ZNF254: variants seen among roughly 807,000 people sequenced by gnomAD.
ZNF254 encodes the protein zinc finger protein 254, also known as CTD-2017D11.1.
A neutral mutation model predicts 12.4 loss-of-function variants in ZNF254; 10 were observed. That is an observed-to-expected ratio of 0.80 (90% CI 0.50 to 1.36). ZNF254 has a LOEUF of 1.36. Among genes scored for constraint, ZNF254 ranks in the 40% most tolerant of loss-of-function variants. The probability of loss-of-function intolerance (pLI) is 0.00; values close to 1 mark genes in which losing one functional copy is unlikely to be tolerated. For synonymous variants in ZNF254, 305 were observed against 253.4 expected, an observed-to-expected ratio of 1.20 and a Z score of -1.93; for missense variants, 996 against 763.9, an observed-to-expected ratio of 1.30 and a Z score of -3.58.
intron 2 of ZNF254, among the ~76,000 whole-genome samples, chr19:24,051,610 C>T (rs917836395): frequency 6.6e-6 from 1 of 151,324 alleles, no homozygotes; most frequent in Non-Finnish European, 1.5e-5. Context: ...AGGTGACTCT[C>T]CTCTCCAGCC....
At chr19:24,090,564 G>T (rs1055598713) in intron 1 of ZNF254, among the ~76,000 whole-genome samples, 9 of 152,092 alleles carry the variant, frequency 5.9e-5, no homozygotes, top group African/African-American at 2.2e-4. Context: ...AGCCTCCCAA[G>T]TAGCTGGGAC....
intron 2 of ZNF254, chr19:24,064,632 T>A (rs1025424697): frequency 6.6e-6 from 1 of 152,234 alleles, no homozygotes; most frequent in African/African-American, 2.4e-5. Flanking sequence ...GTTCAAGCAA[T>A]TCTTCAGCCT....
intron 3 of ZNF254, among the ~76,000 whole-genome samples, chr19:24,110,178 G>A (rs770050508): frequency 6.6e-6 from 1 of 152,116 alleles, no homozygotes; most frequent in South Asian, 2.1e-4. Flanking sequence ...TTAAAAAGAT[G>A]TATAATTCTG....
At chr19:24,094,401 C>T (rs1308882172) in intron 1 of ZNF254, among the ~76,000 whole-genome samples, 1 of 152,104 alleles carries the variant, frequency 6.6e-6, no homozygotes, top group Non-Finnish European at 1.5e-5. Context: ...GCTGGGATTA[C>T]AGGCATCCGC....
intron 1 of ZNF254, among the ~76,000 whole-genome samples, chr19:24,045,655 AAG>A (rs1970352749): frequency 6.9e-6 from 1 of 145,540 alleles, no homozygotes; most frequent in African/African-American, 2.6e-5. Flanking sequence ...GTGACACAGC[AAG>A]ACTCTGTCTC....
At chr19:24,073,806 G>C (rs1369775585) in intron 2 of ZNF254, among the ~76,000 whole-genome samples, 7 of 152,200 alleles carry the variant, frequency 4.6e-5, no homozygotes, top group African/African-American at 1.7e-4. Flanking sequence ...GATGTACTCA[G>C]ACTCAACATA....
Position 24,106,588 on chromosome 19 carries a change from A to G in ZNF254, c.198A>G (p.Glu66=), listed in dbSNP as rs1973354031. ...VSKPDLITCL[E]QGKEPWNMKR... is the part of the protein sequence containing the mutation. The stretch of plus-strand genomic sequence containing the variant: ...AGCCAGACCTGATCACCTGTCTGGA[A>G]CAAGGGAAAGAGCCCTGGAATATGA... The change falls in exon 3 of 4, where the codon GAA becomes GAG. Residue 66 remains glutamate, a synonymous_variant. Transcript: ENST00000357002. 2 of 1,585,280 alleles carry G rather than the reference A, an allele frequency of 1.3e-6. No homozygotes were observed. Among genetic ancestry groups the G allele is most frequent in the Non-Finnish European group, 1.7e-6 (2 of 1,163,826 alleles).
Position 24,043,187 on chromosome 19 carries a change from AAG to A in ZNF254, c.-189-2993_-189-2992del, listed in dbSNP as rs373940076. Among the ~76,000 whole-genome samples the A allele has an allele frequency of 1.9e-4, 29 of 152,314 alleles. No individual in the cohort carries two copies. The East Asian group carries it at 5.0e-3, about 26-fold the overall frequency. Reference sequence around the variant, plus strand: ...ATTTCATTTTCTGTATTTTCAGAGAAAGAGAACAAAAATTAATATATAGCTAA... The same window carrying A: ...ATTTCATTTTCTGTATTTTCAGAGAAAGAACAAAAATTAATATATAGCTAA... On this transcript the variant is annotated intron_variant, in intron 1 of 4. Coordinates refer to the ZNF254 transcript ENST00000613065.
At chr19:24,088,523 G>T (rs188349550) in intron 1 of ZNF254, among the ~76,000 whole-genome samples, 143 of 152,168 alleles carry the variant, frequency 9.4e-4, no homozygotes, top group Middle Eastern at 6.8e-3. Flanking sequence ...ACTCTGGCTT[G>T]CAGGAAAATA....
In ZNF254 at chr19:24,055,232, A is replaced by AAAAAAAAAG. The variant is rs1555753129; in HGVS notation, c.-94+8953_-94+8954insAAAAAAAAG. On this transcript the variant is annotated intron_variant, in intron 2 of 4. Coordinates refer to the ZNF254 transcript ENST00000613065. ...AAAAAAAAAAAAAAAAAAAAAAAAA[A>AAAAAAAAAG]GAGTGTACTAACAAGACCCAGCACA... Among the ~76,000 whole-genome samples the AAAAAAAAAG allele has an allele frequency of 4.8e-4, 59 of 122,622 alleles. 3 individuals carry two copies. The highest frequency in any genetic ancestry group is 7.8e-4 in the Non-Finnish European group (43 of 55,420). 80.4% of individuals were successfully genotyped at this position (122,622 alleles called of 152,430 possible).
intron 2 of ZNF254, among the ~76,000 whole-genome samples, chr19:24,055,038 T>TA (rs1373955457): frequency 8.6e-5 from 13 of 151,048 alleles, no homozygotes; most frequent in East Asian, 2.0e-4. Context: ...CCATCTCTAC[T>TA]AAAAAATACA....
At chr19:24,062,276 T>G (rs1477521766) in intron 2 of ZNF254, among the ~76,000 whole-genome samples, 5 of 152,136 alleles carry the variant, frequency 3.3e-5, no homozygotes, top group African/African-American at 1.2e-4. Context: ...CTGCCAGTTT[T>G]TAGGATTGTC....
intron 1 of ZNF254, chr19:24,104,224 C>T (rs941248638): frequency 2.6e-5 from 4 of 152,192 alleles, no homozygotes; most frequent in Admixed American, 1.3e-4. Context: ...ATTTTTCTCT[C>T]TGTGGAGCAG....
chr19:24,086,713 G>A (rs1212175811), upstream of ZNF254, among the ~76,000 whole-genome samples: 2 of 152,142 alleles, frequency 1.3e-5, no homozygotes, highest in African/African-American at 4.8e-5. Context: ...ATGACCTAAT[G>A]TGATCCGCCC....
chr19:24,092,470 G>A (rs1021823290), intron 1 of ZNF254, among the ~76,000 whole-genome samples: 1 of 152,078 alleles, frequency 6.6e-6, no homozygotes, highest in African/African-American at 2.4e-5. Context: ...ATCACGCTGG[G>A]CCAAGCAATC....
At chr19:24,103,068 A>G (rs1973127447) in intron 1 of ZNF254, among the ~76,000 whole-genome samples, 1 of 152,224 alleles carries the variant, frequency 6.6e-6, no homozygotes, top group African/African-American at 2.4e-5. Flanking sequence ...TAAACATTGC[A>G]TTAATACATG....
intron 1 of ZNF254, among the ~76,000 whole-genome samples, chr19:24,034,230 G>A (rs542585572): frequency 2.8e-4 from 42 of 152,148 alleles, no homozygotes; most frequent in Middle Eastern, 3.4e-3. Context: ...CCTGAACTCA[G>A]TGACTCAAGC....
chr19:24,058,497 G>A lies in ZNF254; in HGVS notation c.-94+12218G>A, dbSNP rs532591749. On this transcript the variant is annotated intron_variant, in intron 2 of 4. Coordinates refer to the ZNF254 transcript ENST00000613065. The stretch of plus-strand genomic sequence containing the variant: ...GCAATCTTGGCTCAAGGCAACCTCC[G>A]CCTCCTGGGTTTAAACAATTCTGTC... 6.6e-5 allele frequency among the ~76,000 whole-genome samples: 10 copies of A among 150,548 alleles called. 1 individual carries two copies. The East Asian group carries it at 9.8e-4, about 15-fold the overall frequency.
intron 2 of ZNF254, among the ~76,000 whole-genome samples, chr19:24,072,486 A>T (rs922729590): frequency 2.8e-4 from 43 of 151,804 alleles, no homozygotes; most frequent in African/African-American, 1.0e-3. Flanking sequence ...TACCCTCCTC[A>T]TCAGCCCTGT....
Sources: gnomAD v4.1 joint callset for allele counts (sites outside exome capture counted in the v4.1 genomes callset) on GRCh38, gnomAD v4.1.1 for gene constraint, MANE v1.5 for transcripts, NCBI Gene and HGNC (gene_info 2026-07-23, HGNC 2026-07-21) for gene names.